PTPN4: variants seen among roughly 807,000 people sequenced by gnomAD.
PTPN4 encodes tyrosine-protein phosphatase non-receptor type 4.
Under a neutral mutation model 135.5 loss-of-function variants are expected in PTPN4, and 49 were observed. That is an observed-to-expected ratio of 0.36 (90% CI 0.29 to 0.46). The LOEUF is 0.46. Ranked by LOEUF, PTPN4 falls within the 20% of genes least tolerant of loss-of-function variation. The pLI is 1.00. For missense variants in PTPN4, 860 were observed against 1,101.0 expected (o/e 0.78, Z 3.10); for synonymous variants, 333 against 369.9 (o/e 0.90, Z 1.14).
At chr2:119,763,436 G>A (rs889329050) in intron 1 of PTPN4, among the ~76,000 whole-genome samples, 1 of 152,142 alleles carries the variant, frequency 6.6e-6, no homozygotes, top group African/African-American at 2.4e-5. Context: ...GTCAGATCCT[G>A]TATAAGGGGC....
At position 119,930,762 on chromosome 2, in the gene PTPN4, T is replaced by A. The variant is rs76392668; in HGVS notation, c.1071-1662T>A. Among the ~76,000 whole-genome samples, 84 of 152,174 alleles carry A rather than the reference T, an allele frequency of 5.5e-4. No homozygotes were observed. The East Asian group carries it at 0.014, about 26-fold the overall frequency. ...AGATCATTATGTATCAGAATTCTAATGTTATTAAGTTTTAATGTAATCAGA... is the reference window on the plus strand; with the variant it reads ...AGATCATTATGTATCAGAATTCTAAAGTTATTAAGTTTTAATGTAATCAGA... On this transcript the variant is annotated intron_variant, in intron 13 of 26. Transcript: ENST00000263708.
chr2:119,952,102 G>T lies in PTPN4; in HGVS notation c.1786G>T (p.Glu596Ter). ...AGCTAGTTGTGAGAGACATTCTGGGGAACTCATGCTTCTAGTTCGACCTAA... is the reference window on the plus strand; with the variant it reads ...AGCTAGTTGTGAGAGACATTCTGGGTAACTCATGCTTCTAGTTCGACCTAA... ...IKASCERHSGELMLLVRPNAV... is the reference protein window; with the variant it reads ...IKASCERHSG The change falls in exon 19 of 27, where the codon GAA becomes TAA. Residue 596 changes from glutamate to a stop codon, truncating the protein, a stop_gained. Coordinates refer to ENST00000263708, the MANE Select transcript of PTPN4 (RefSeq NM_002830.4). LOFTEE classifies it high-confidence loss of function. The T allele has an allele frequency of 6.2e-7, 1 of 1,612,900 alleles. No homozygotes were observed. Among genetic ancestry groups the T allele is most frequent in the South Asian group, 1.1e-5 (1 of 91,018 alleles).
intron 3 of PTPN4, among the ~76,000 whole-genome samples, chr2:119,868,630 A>T (rs1389950886): frequency 2.6e-5 from 4 of 152,250 alleles, no homozygotes; most frequent in Non-Finnish European, 4.4e-5. Flanking sequence ...AAAACCGCTT[A>T]AAGGCATTCT....
At chr2:119,819,010 A>G (rs1397603288) in intron 2 of PTPN4, among the ~76,000 whole-genome samples, 1 of 152,240 alleles carries the variant, frequency 6.6e-6, no homozygotes, top group African/African-American at 2.4e-5. Context: ...AGTAAGGACC[A>G]AAGGGCAATT....
chr2:119,822,303 T>C (rs1677079241), intron 2 of PTPN4, among the ~76,000 whole-genome samples: 1 of 152,086 alleles, frequency 6.6e-6, no homozygotes, highest in Non-Finnish European at 1.5e-5. Flanking sequence ...GGTGTTTAGC[T>C]CTGCTGTCTC....
At chr2:119,943,839 A>T (rs1353244598) in intron 15 of PTPN4, among the ~76,000 whole-genome samples, 1 of 150,818 alleles carries the variant, frequency 6.6e-6, no homozygotes, top group African/African-American at 2.4e-5. Context: ...TGATCCGCCC[A>T]CCCCGGCCTC....
chr2:119,864,411 C>G (rs1468675183), intron 3 of PTPN4, among the ~76,000 whole-genome samples: 1 of 152,026 alleles, frequency 6.6e-6, no homozygotes, highest in Non-Finnish European at 1.5e-5. Flanking sequence ...GTGAGCCAAG[C>G]AAATACCTGA....
intron 2 of PTPN4, among the ~76,000 whole-genome samples, chr2:119,827,843 C>A (rs935051004): frequency 6.6e-6 from 1 of 152,150 alleles, no homozygotes; most frequent in Non-Finnish European, 1.5e-5. Flanking sequence ...ATATGTAGTT[C>A]AATCTAAGTA....
intron 26 of PTPN4, 93 bp downstream of exon 26, chr2:119,968,065 A>G (rs935861707): frequency 9.3e-7 from 1 of 1,078,786 alleles, no homozygotes. Context: ...ATCCTTTTTT[A>G]TCTTTTCAAT....
intron 1 of PTPN4, among the ~76,000 whole-genome samples, chr2:119,775,335 A>G (rs1439503747): frequency 2.6e-5 from 4 of 151,830 alleles, no homozygotes; most frequent in Non-Finnish European, 5.9e-5. Context: ...GGCCTGGACA[A>G]TAACTCTTTT....
At chr2:119,951,842 A>G in intron 18 of PTPN4, 131 bp from the exon 19 acceptor site, 4 of 693,536 alleles carry the variant, frequency 5.8e-6, no homozygotes, top group Non-Finnish European at 8.5e-6. Context: ...TTTTAAATAG[A>G]TAATAAATGA....
intron 2 of PTPN4, among the ~76,000 whole-genome samples, chr2:119,834,188 CTT>C (rs1347801350): frequency 6.6e-6 from 1 of 152,158 alleles, no homozygotes; most frequent in Non-Finnish European, 1.5e-5. Context: ...TTCAAATTCT[CTT>C]TTCTAGGTAT....
chr2:119,850,454 G>C (rs936339534), intron 2 of PTPN4, among the ~76,000 whole-genome samples: 2 of 152,188 alleles, frequency 1.3e-5, no homozygotes, highest in African/African-American at 4.8e-5. Flanking sequence ...TTGATTCTTT[G>C]ACATACCATT....
chr2:119,935,331 A>T (rs1334135706), intron 15 of PTPN4, among the ~76,000 whole-genome samples: 1 of 152,242 alleles, frequency 6.6e-6, no homozygotes, highest in East Asian at 1.9e-4. Flanking sequence ...TAAAATACTT[A>T]CAAGATATGT....
chr2:119,880,457 TCTCA>T (rs1184973510), intron 5 of PTPN4, among the ~76,000 whole-genome samples: 31 of 151,838 alleles, frequency 2.0e-4, no homozygotes, highest in African/African-American at 7.0e-4. Context: ...TGAGATAGAG[TCTCA>T]CTCTGTCGCC....
intron 1 of PTPN4, among the ~76,000 whole-genome samples, chr2:119,805,021 CATCTCTG>C (rs138831772): frequency 0.22 from 33,313 of 151,838 alleles, 4,552 homozygotes; most frequent in East Asian, 0.47. Flanking sequence ...GCATTCTGGT[CATCTCTG>C]ATGACCAGTG....
chr2:119,974,071 A>G (rs1323388294), intron 26 of PTPN4, among the ~76,000 whole-genome samples: 1 of 152,178 alleles, frequency 6.6e-6, no homozygotes, highest in Admixed American at 6.5e-5. Flanking sequence ...CCCTTTATCT[A>G]TAAGCTTTCA....
intron 1 of PTPN4, among the ~76,000 whole-genome samples, chr2:119,796,860 TTGTGTGTGTGTGTGTG>T (rs112883330): frequency 6.8e-5 from 10 of 147,544 alleles, no homozygotes; most frequent in Admixed American, 1.4e-4. Flanking sequence ...GTCACTGTTT[TTGTGTGTGTGTGTGTG>T]TGTGTGTGTG....
intron 5 of PTPN4, among the ~76,000 whole-genome samples, chr2:119,879,336 G>T (rs1450582190): frequency 6.6e-6 from 1 of 152,190 alleles, no homozygotes; most frequent in East Asian, 1.9e-4. Context: ...TGAAGCAGAA[G>T]AAAGTAAAAT....
Sources: allele counts gnomAD v4.1 joint callset (sites outside exome capture counted in the v4.1 genomes callset), GRCh38; gene constraint gnomAD v4.1.1; transcripts MANE v1.5; gene names NCBI Gene and HGNC (gene_info 2026-07-23, HGNC 2026-07-21).